The following BMP2K variants were observed in gnomAD, a reference collection of about 807,000 sequenced individuals.
BMP2K encodes the protein BMP2 inducible kinase, also known as BMP-2-inducible protein kinase.
Under a neutral mutation model 116.0 loss-of-function variants are expected in BMP2K, and 74 were observed. The observed-to-expected ratio is 0.64, with a 90% CI of 0.53 to 0.77. BMP2K has a LOEUF of 0.77. Ranked by LOEUF, BMP2K falls within the 30% of genes least tolerant of loss-of-function variation. The probability of loss-of-function intolerance (pLI) is 0.00; values close to 1 mark genes in which losing one functional copy is unlikely to be tolerated. For synonymous variants in BMP2K, 486 were observed against 502.5 expected, an observed-to-expected ratio of 0.97 and a Z score of 0.44; for missense variants, 1,365 against 1,403.6, an observed-to-expected ratio of 0.97 and a Z score of 0.44.
intron 4 of BMP2K, among the ~76,000 whole-genome samples, chr4:78,844,370 C>G (rs1202853295): frequency 2.0e-5 from 3 of 151,460 alleles, no homozygotes; most frequent in Non-Finnish European, 4.4e-5. Context: ...TTACTACAAC[C>G]CTGATCTCCA....
chr4:78,886,823 T>G (rs1374763265), intron 14 of BMP2K, among the ~76,000 whole-genome samples: 11 of 152,244 alleles, frequency 7.2e-5, no homozygotes, highest in African/African-American at 2.7e-4. Context: ...AAATTTATTT[T>G]TGGAGACTGT....
chr4:78,832,488 A>C (rs1296437248), intron 2 of BMP2K, among the ~76,000 whole-genome samples: 1 of 152,130 alleles, frequency 6.6e-6, no homozygotes, highest in African/African-American at 2.4e-5. Context: ...TGTATTCCTT[A>C]GCTAGATTAG....
At chr4:78,851,264 C>T (rs1458830931) in intron 7 of BMP2K, among the ~76,000 whole-genome samples, 2 of 151,884 alleles carry the variant, frequency 1.3e-5, no homozygotes, top group Non-Finnish European at 2.9e-5. Context: ...TGTTTTTAAG[C>T]CCCTGGGTAA....
At position 78,807,834 on chromosome 4, in the gene BMP2K, ATTTC is replaced by A. The variant is rs757701635; in HGVS notation, c.179-18199_179-18196del. On this transcript the variant is annotated intron_variant, in intron 1 of 15. Coordinates refer to ENST00000502613, the MANE Select transcript of BMP2K (RefSeq NM_198892.2). ...CTGTAATTGCCTTATAATCCTTTTG[ATTTC>A]TTTAATGTCAACAGTAATATCCCCT... Among the ~76,000 whole-genome samples the A allele has an allele frequency of 1.4e-3, 219 of 151,804 alleles. 2 individuals carry two copies. The highest frequency in any genetic ancestry group is 0.01 in the Middle Eastern group (3 of 294).
At chr4:78,814,981 A>G (rs970415505) in intron 1 of BMP2K, among the ~76,000 whole-genome samples, 1 of 152,012 alleles carries the variant, frequency 6.6e-6, no homozygotes, top group Non-Finnish European at 1.5e-5. Context: ...TTTTCCCCCA[A>G]TTTGGGAAAT....
At chr4:78,782,697 A>G (rs1256301760) in intron 1 of BMP2K, among the ~76,000 whole-genome samples, 1 of 152,200 alleles carries the variant, frequency 6.6e-6, no homozygotes, top group Non-Finnish European at 1.5e-5. Flanking sequence ...CTTTATTGAC[A>G]TTGTATTTTT....
chr4:78,819,634 C>G (rs1298158639), intron 1 of BMP2K, among the ~76,000 whole-genome samples: 1 of 152,144 alleles, frequency 6.6e-6, no homozygotes, highest in African/African-American at 2.4e-5. Flanking sequence ...TGCATTTGGT[C>G]ACACAATTAG....
chr4:78,788,156 C>CT lies in BMP2K; in HGVS notation c.178+11436dup, dbSNP rs1456676191. ...CATTCTCTTGCCTGCATCACAGACT[C>CT]TCTTCCGTTGAATGTTAATGGTCTA... is the stretch of plus-strand genomic sequence containing the variant. On this transcript the variant is annotated intron_variant, in intron 1 of 15. Coordinates refer to ENST00000502613, the MANE Select transcript of BMP2K (RefSeq NM_198892.2). Among the ~76,000 whole-genome samples the CT allele has an allele frequency of 2.0e-5, 3 of 151,794 alleles. No homozygotes were observed. In the East Asian group the frequency reaches 5.8e-4, roughly 29 times the overall value.
At chr4:78,856,294 C>G (rs947962815) in intron 7 of BMP2K, among the ~76,000 whole-genome samples, 3 of 152,042 alleles carry the variant, frequency 2.0e-5, no homozygotes, top group Non-Finnish European at 4.4e-5. Context: ...AAGCCATCCT[C>G]TCACCCCAGC....
intron 7 of BMP2K, among the ~76,000 whole-genome samples, chr4:78,858,812 A>G (rs1345698025): frequency 2.6e-5 from 4 of 152,024 alleles, no homozygotes; most frequent in African/African-American, 9.6e-5. Flanking sequence ...AGACTTTGAG[A>G]TGTCTTAACA....
chr4:78,899,837 G>A (rs1733902471), intron 15 of BMP2K, among the ~76,000 whole-genome samples: 1 of 152,142 alleles, frequency 6.6e-6, no homozygotes, highest in Admixed American at 6.5e-5. Context: ...AGTTGAAGAA[G>A]TTGAGATATT....
intron 1 of BMP2K, among the ~76,000 whole-genome samples, chr4:78,809,614 A>T (rs1728987674): frequency 6.6e-6 from 1 of 150,744 alleles, no homozygotes; most frequent in Non-Finnish European, 1.5e-5. Flanking sequence ...TCCTGAGCTC[A>T]TGTGACTTTT....
intron 1 of BMP2K, among the ~76,000 whole-genome samples, chr4:78,801,624 A>T (rs944057319): frequency 2.0e-5 from 3 of 152,066 alleles, no homozygotes; most frequent in Non-Finnish European, 4.4e-5. Flanking sequence ...TTGTTTTGGA[A>T]TGCTTAAGGT....
intron 1 of BMP2K, among the ~76,000 whole-genome samples, chr4:78,823,473 C>T (rs1423511656): frequency 6.8e-6 from 1 of 147,572 alleles, no homozygotes; most frequent in Non-Finnish European, 1.5e-5. Context: ...TGCTCTCTCT[C>T]TCATATATAT....
intron 1 of BMP2K, among the ~76,000 whole-genome samples, chr4:78,820,062 T>A (rs550196790): frequency 6.6e-6 from 1 of 152,232 alleles, no homozygotes; most frequent in Non-Finnish European, 1.5e-5. Flanking sequence ...AATTATCTTA[T>A]GTTGGTTATC....
chr4:78,803,619 T>G (rs1465683113), intron 1 of BMP2K, among the ~76,000 whole-genome samples: 2 of 152,160 alleles, frequency 1.3e-5, no homozygotes, highest in Non-Finnish European at 2.9e-5. Flanking sequence ...CTTCCAGTGA[T>G]CCACCCACCT....
At chr4:78,818,279 A>T (rs895523285) in intron 1 of BMP2K, among the ~76,000 whole-genome samples, 4 of 152,204 alleles carry the variant, frequency 2.6e-5, no homozygotes, top group African/African-American at 9.6e-5. Context: ...GTATATACCC[A>T]GTCACGGGAT....
chr4:78,910,853 A>G lies in BMP2K; in HGVS notation c.2306A>G (p.Gln769Arg). The G allele has an allele frequency of 6.2e-7, 1 of 1,613,992 alleles. No individual in the cohort carries two copies. Among genetic ancestry groups the G allele is most frequent in the Non-Finnish European group, 8.5e-7 (1 of 1,179,894 alleles). The change falls in exon 16 of 16, where the codon CAA (glutamine) becomes CGA (arginine). Residue 769 changes from glutamine to arginine, a missense_variant. Physicochemically the swap from Gln to Arg is conservative, Grantham distance 43 (BLOSUM62 1). Around this residue, in one of 3 missense-constraint regions of BMP2K, gnomAD observed 596 missense variants for 623.2 expected, o/e 0.96. Coordinates refer to ENST00000502613, the MANE Select transcript of BMP2K (RefSeq NM_198892.2). Reference protein sequence around the residue: ...QDDEEVLQGEQGDFNDDDTEP... With the variant: ...QDDEEVLQGERGDFNDDDTEP... ...GATGAAGAAGTTCTTCAGGGGGAACAAGGAGATTTTAATGATGATGATACT... is the reference window on the plus strand; with the variant it reads ...GATGAAGAAGTTCTTCAGGGGGAACGAGGAGATTTTAATGATGATGATACT...
chr4:78,792,453 C>T (rs964888881), intron 1 of BMP2K, among the ~76,000 whole-genome samples: 4 of 152,152 alleles, frequency 2.6e-5, no homozygotes, highest in Non-Finnish European at 5.9e-5. Context: ...TATGATTATT[C>T]ATTTAGACTT....
Sources: gnomAD v4.1 joint callset for allele counts (sites outside exome capture counted in the v4.1 genomes callset) on GRCh38, gnomAD v4.1.1 for gene constraint, gnomAD v4.1.1 regional missense constraint, MANE v1.5 for transcripts, NCBI Gene and HGNC (gene_info 2026-07-23, HGNC 2026-07-21) for gene names.